Variants in USH2A observed in about 807,000 individuals in gnomAD.
USH2A encodes the protein usherin.
A neutral mutation model predicts 538.9 loss-of-function variants in USH2A; 443 were observed. The observed-to-expected ratio is 0.82, with a 90% CI of 0.76 to 0.89. USH2A has a LOEUF of 0.89. Ranked by LOEUF, USH2A falls within the 40% of genes least tolerant of loss-of-function variation. The pLI, the probability that USH2A is intolerant of heterozygous loss-of-function variation, is 0.00. For synonymous variants in USH2A, 2,413 were observed against 2,273.5 expected (o/e 1.06, Z -1.75); for missense variants, 6,633 against 6,324.8 (o/e 1.05, Z -1.65).
intron 46 of USH2A, among the ~76,000 whole-genome samples, chr1:215,840,394 A>C (rs764164132): frequency 2.6e-5 from 4 of 152,102 alleles, no homozygotes; most frequent in Non-Finnish European, 5.9e-5. Context: ...AGCTATATCA[A>C]GTACAGTATT....
chr1:216,192,784 TAAC>T (rs2034747313), intron 19 of USH2A, among the ~76,000 whole-genome samples: 1 of 152,068 alleles, frequency 6.6e-6, no homozygotes, highest in Non-Finnish European at 1.5e-5. Flanking sequence ...GCCTTTTAAA[TAAC>T]AACAACAATA....
At position 215,898,371 on chromosome 1, in the gene USH2A, T is replaced by C. The variant is rs1665403719; in HGVS notation, c.7594+1704A>G. Among the ~76,000 whole-genome samples, 3 of 152,296 alleles carry C rather than the reference T, an allele frequency of 2.0e-5. No homozygotes were observed. In the South Asian group the frequency reaches 6.2e-4, roughly 32 times the overall value. On this transcript the variant is annotated intron_variant, in intron 40 of 71. Coordinates refer to ENST00000307340, the MANE Select transcript of USH2A (RefSeq NM_206933.4). The stretch of plus-strand genomic sequence containing the variant: ...GTATGTGTGGTCTATAAGGCTTGTT[T>C]TATAGTAAAAAGGAGACCAAAGGTA...
At chr1:216,135,814 AAATG>A (rs1226448634) in intron 21 of USH2A, among the ~76,000 whole-genome samples, 2 of 152,132 alleles carry the variant, frequency 1.3e-5, no homozygotes, top group Non-Finnish European at 2.9e-5. Context: ...CAGAAAAATA[AAATG>A]AATGATTAGA....
Position 215,629,001 on chromosome 1 carries a change from G to T in USH2A, c.15332C>A (p.Thr5111Lys), listed in dbSNP as rs777817814. The T allele has an allele frequency of 9.3e-6, 15 of 1,613,464 alleles. No homozygotes were observed. Among genetic ancestry groups the T allele is most frequent in the Non-Finnish European group, 1.2e-5 (14 of 1,180,050 alleles). Residue 5111 changes from threonine to lysine, a missense_variant, in exon 71 of 72, where the codon ACA becomes AAA. By Grantham distance (78) the Thr-to-Lys change is moderately conservative (BLOSUM62 -1). Transcript: ENST00000307340. ...CCGGTTGCTGCGGATACTCACAGGT[G>T]TCCCAGACCGGGGAATTTTGGTATC... is the stretch of plus-strand genomic sequence containing the variant. ...LADTKIPRSG[T>K]PVSIRSNRSA...
At chr1:215,697,096 G>A (rs547234767) in intron 61 of USH2A, among the ~76,000 whole-genome samples, 1 of 151,392 alleles carries the variant, frequency 6.6e-6, no homozygotes, top group South Asian at 2.1e-4. Context: ...GGGACTACAG[G>A]CATGTGCCAC....
At chr1:216,013,178 T>C (rs1350188791) in intron 32 of USH2A, among the ~76,000 whole-genome samples, 2 of 152,122 alleles carry the variant, frequency 1.3e-5, no homozygotes, top group Non-Finnish European at 2.9e-5. Context: ...TCTTATTCCA[T>C]TTAGTTTTTA....
chr1:216,143,197 A>G (rs1462994436), intron 21 of USH2A, among the ~76,000 whole-genome samples: 1 of 152,124 alleles, frequency 6.6e-6, no homozygotes, highest in Non-Finnish European at 1.5e-5. Context: ...TGCCAAGTGG[A>G]GTCTAATCTT....
At chr1:216,375,400 C>G (rs1447605331) in intron 3 of USH2A, among the ~76,000 whole-genome samples, 1 of 152,180 alleles carries the variant, frequency 6.6e-6, no homozygotes, top group Non-Finnish European at 1.5e-5. Flanking sequence ...GCTCTTTCAA[C>G]CTTGCACTTT....
intron 19 of USH2A, among the ~76,000 whole-genome samples, chr1:216,191,152 C>T (rs1261007795): frequency 6.6e-6 from 1 of 151,776 alleles, no homozygotes; most frequent in African/African-American, 2.4e-5. Flanking sequence ...GGTACAAAGG[C>T]CACTAGAAAT....
chr1:215,741,354 A>T, intron 60 of USH2A, 21 bp downstream of exon 60: 1 of 1,613,740 alleles, frequency 6.2e-7, no homozygotes, highest in South Asian at 1.1e-5. Context: ...AACTAAAAAT[A>T]ATAGTAACAG....
chr1:216,289,552 C>T (rs1291440028), intron 10 of USH2A, 142 bp from the exon 11 acceptor site: 9 of 1,080,628 alleles, frequency 8.3e-6, no homozygotes, highest in Non-Finnish European at 1.2e-5. Context: ...TCTCTACCTG[C>T]CAATTTAGTG....
At chr1:215,677,257 C>T (rs1658062273) in intron 62 of USH2A, among the ~76,000 whole-genome samples, 1 of 152,098 alleles carries the variant, frequency 6.6e-6, no homozygotes, top group Non-Finnish European at 1.5e-5. Flanking sequence ...GTATCCCATC[C>T]CTTCCTCCTT....
At chr1:215,966,932 A>G (rs1207413842) in intron 36 of USH2A, among the ~76,000 whole-genome samples, 2 of 152,184 alleles carry the variant, frequency 1.3e-5, no homozygotes, top group Non-Finnish European at 2.9e-5. Flanking sequence ...TATTTGGATA[A>G]ACACTTCAGT....
chr1:216,415,693 T>C (rs2039566685), intron 3 of USH2A, among the ~76,000 whole-genome samples: 1 of 151,772 alleles, frequency 6.6e-6, no homozygotes, highest in South Asian at 2.1e-4. Context: ...GCTAATTTTT[T>C]TAGGGTGTTT....
At chr1:215,673,043 T>C (rs1657876333) in intron 63 of USH2A, among the ~76,000 whole-genome samples, 1 of 152,196 alleles carries the variant, frequency 6.6e-6, no homozygotes, top group South Asian at 2.1e-4. Context: ...AATATACAGC[T>C]CTGCAGCTAC....
At chr1:215,648,991 T>G (rs1202412846) in intron 65 of USH2A, among the ~76,000 whole-genome samples, 1 of 152,104 alleles carries the variant, frequency 6.6e-6, no homozygotes, top group Non-Finnish European at 1.5e-5. Context: ...AAATAGACGT[T>G]TGAGGTAGCA....
chr1:216,155,428 T>C (rs2033918678), intron 21 of USH2A, among the ~76,000 whole-genome samples: 1 of 152,168 alleles, frequency 6.6e-6, no homozygotes, highest in African/African-American at 2.4e-5. Context: ...CCAAGATTGC[T>C]TTTTTGAGAT....
At chr1:215,701,259 G>C (rs1659005761) in intron 61 of USH2A, among the ~76,000 whole-genome samples, 1 of 152,196 alleles carries the variant, frequency 6.6e-6, no homozygotes, top group Non-Finnish European at 1.5e-5. Context: ...GTGATGTGGT[G>C]CTGAGAAGAA....
intron 61 of USH2A, among the ~76,000 whole-genome samples, chr1:215,712,496 T>C (rs2886199): frequency 0.14 from 21,194 of 152,206 alleles, 1,647 homozygotes; most frequent in East Asian, 0.31. Flanking sequence ...GCTTGGGCTG[T>C]GATTCATTGT....
Sources: gnomAD v4.1 joint callset for allele counts (sites outside exome capture counted in the v4.1 genomes callset) on GRCh38, gnomAD v4.1.1 for gene constraint, MANE v1.5 for transcripts, NCBI Gene and HGNC (gene_info 2026-07-23, HGNC 2026-07-21) for gene names.